The following HMGCLL1 variants were observed in gnomAD, a reference collection of about 807,000 sequenced individuals.
The protein encoded by HMGCLL1 is 3-hydroxymethyl-3-methylglutaryl-CoA lyase, cytoplasmic.
In HMGCLL1, 36 loss-of-function variants were observed where a neutral mutation model predicts 39.1. The ratio of observed to expected loss-of-function variants is 0.92; its 90% CI spans 0.71 to 1.22. HMGCLL1 has a LOEUF of 1.22. HMGCLL1 is among the 50% of genes most tolerant of loss of function. The pLI is 0.00. For synonymous variants in HMGCLL1, 149 were observed against 144.0 expected, an observed-to-expected ratio of 1.03 and a Z score of -0.25; for missense variants, 451 against 416.5, an observed-to-expected ratio of 1.08 and a Z score of -0.72.
intron 7 of HMGCLL1, among the ~76,000 whole-genome samples, chr6:55,452,474 C>T (rs1262923318): frequency 6.6e-6 from 1 of 152,124 alleles, no homozygotes; most frequent in Admixed American, 6.5e-5. Context: ...AGAAACATGG[C>T]CTGAATTTCT....
chr6:55,628,565 C>T, the HMGCLL1 span, among the ~76,000 whole-genome samples: 1 of 151,790 alleles, frequency 6.6e-6, no homozygotes, highest in Admixed American at 6.6e-5. Context: ...CGGCCTCTTT[C>T]AGCCCTTTAA....
chr6:55,524,058 G>A (rs533041645), intron 3 of HMGCLL1, among the ~76,000 whole-genome samples: 20 of 151,884 alleles, frequency 1.3e-4, no homozygotes, highest in Admixed American at 5.9e-4. Flanking sequence ...CTATATCTGC[G>A]TACAAATTTA....
the HMGCLL1 span, among the ~76,000 whole-genome samples, chr6:55,619,108 G>A: frequency 6.6e-6 from 1 of 150,646 alleles, no homozygotes; most frequent in African/African-American, 2.4e-5. Context: ...GCAAAACTGG[G>A]GTGGGAAGAG....
At chr6:55,578,662 C>T (rs1205930780) in intron 1 of HMGCLL1, among the ~76,000 whole-genome samples, 1 of 152,196 alleles carries the variant, frequency 6.6e-6, no homozygotes, top group Non-Finnish European at 1.5e-5. Flanking sequence ...GCATCCCTTT[C>T]CAGGAAAACA....
At chr6:55,566,397 T>G (rs111767539) in intron 1 of HMGCLL1, 4,324 of 271,632 alleles carry the variant, frequency 0.016, 177 homozygotes, top group African/African-American at 0.087. Context: ...GTTAAAGGCG[T>G]TTTTATGTAG....
intron 1 of HMGCLL1, among the ~76,000 whole-genome samples, chr6:55,556,424 T>C (rs1302427438): frequency 6.6e-6 from 1 of 152,252 alleles, no homozygotes; most frequent in Non-Finnish European, 1.5e-5. Flanking sequence ...CACAATGTTC[T>C]GTGAGTTGAT....
the HMGCLL1 span, among the ~76,000 whole-genome samples, chr6:55,587,086 C>T: frequency 0.085 from 12,963 of 152,154 alleles, 751 homozygotes; most frequent in Non-Finnish European, 0.13. Flanking sequence ...GATCGCCATT[C>T]TAACTGGTGT....
chr6:55,438,729 T>TA (rs751908358), intron 8 of HMGCLL1, among the ~76,000 whole-genome samples: 37 of 152,124 alleles, frequency 2.4e-4, no homozygotes, highest in African/African-American at 3.6e-4. Flanking sequence ...CAGCAGAGAG[T>TA]AAAAAAATTC....
the HMGCLL1 span, among the ~76,000 whole-genome samples, chr6:55,594,846 T>G: frequency 6.6e-6 from 1 of 152,108 alleles, no homozygotes; most frequent in African/African-American, 2.4e-5. Flanking sequence ...TACTTAAAAT[T>G]ATAGCTCAGA....
chr6:55,647,461 G>A, the HMGCLL1 span, among the ~76,000 whole-genome samples: 7 of 151,870 alleles, frequency 4.6e-5, no homozygotes, highest in African/African-American at 1.4e-4. Flanking sequence ...TTGTTTTACA[G>A]TCTTCTCTTC....
intron 1 of HMGCLL1, chr6:55,577,026 C>A: frequency 1.2e-6 from 2 of 1,605,752 alleles, no homozygotes; most frequent in South Asian, 2.2e-5. Flanking sequence ...GATTGTCACT[C>A]AAACTCACAC....
At chr6:55,449,674 A>G (rs1763997349) in intron 7 of HMGCLL1, among the ~76,000 whole-genome samples, 2 of 152,164 alleles carry the variant, frequency 1.3e-5, no homozygotes, top group South Asian at 4.1e-4. Context: ...TCTTCTGCTA[A>G]TTGAACGTTT....
intron 1 of HMGCLL1, among the ~76,000 whole-genome samples, chr6:55,562,232 T>C (rs1334975360): frequency 6.6e-6 from 1 of 152,164 alleles, no homozygotes; most frequent in South Asian, 2.1e-4. Context: ...AATAAGAGAA[T>C]CTTCTGGGAA....
At chr6:55,667,411 T>A in the HMGCLL1 span, among the ~76,000 whole-genome samples, 1 of 151,922 alleles carries the variant, frequency 6.6e-6, no homozygotes, top group East Asian at 1.9e-4. Flanking sequence ...AGTAATTCTA[T>A]AGGATTGGAA....
At chr6:55,449,314 GTCT>G (rs1407338944) in intron 7 of HMGCLL1, among the ~76,000 whole-genome samples, 1 of 152,178 alleles carries the variant, frequency 6.6e-6, no homozygotes, top group Non-Finnish European at 1.5e-5. Context: ...TCTAAAACCA[GTCT>G]TCTTAGAGAC....
chr6:55,553,090 C>T (rs1276554512), intron 1 of HMGCLL1, among the ~76,000 whole-genome samples: 1 of 149,572 alleles, frequency 6.7e-6, no homozygotes, highest in African/African-American at 2.5e-5. Flanking sequence ...TTGCAGTGAG[C>T]CGAGATCGTG....
the HMGCLL1 span, among the ~76,000 whole-genome samples, chr6:55,641,881 TA>T: frequency 1.2e-3 from 2 of 1,654 alleles, no homozygotes; most frequent in Non-Finnish European, 3.7e-3. Context: ...TTTTTATTTT[TA>T]TTTATTTATT....
chr6:55,583,893 A>G (rs1043731769), upstream of HMGCLL1, among the ~76,000 whole-genome samples: 1 of 152,292 alleles, frequency 6.6e-6, no homozygotes, highest in African/African-American at 2.4e-5. Context: ...GCATGATGAC[A>G]CTTGCTTTCA....
chr6:55,461,024 C>T (rs1448815589), intron 7 of HMGCLL1, among the ~76,000 whole-genome samples: 1 of 151,770 alleles, frequency 6.6e-6, no homozygotes, highest in African/African-American at 2.4e-5. Flanking sequence ...ACTCTTTGCC[C>T]TTAGGGTGCT....
Sources: allele counts gnomAD v4.1 joint callset (sites outside exome capture counted in the v4.1 genomes callset), GRCh38; gene constraint gnomAD v4.1.1; transcripts MANE v1.5; gene names NCBI Gene and HGNC (gene_info 2026-07-23, HGNC 2026-07-21).